Variants in MDGA2 observed in about 807,000 individuals in gnomAD.
MDGA2 encodes the protein MAM domain containing glycosylphosphatidylinositol anchor 2.
In MDGA2, 40 loss-of-function variants were observed where a neutral mutation model predicts 117.8. The ratio of observed to expected loss-of-function variants is 0.34; its 90% CI spans 0.26 to 0.44. The LOEUF is 0.44. MDGA2 is among the 20% of genes least tolerant of loss of function. The pLI, the probability that MDGA2 is intolerant of heterozygous loss-of-function variation, is 1.00. For missense variants in MDGA2, 1,123 were observed against 1,250.6 expected, an observed-to-expected ratio of 0.90 and a Z score of 1.54; for synonymous variants, 452 against 439.0, an observed-to-expected ratio of 1.03 and a Z score of -0.37.
chr14:46,886,763 G>T (rs756208992), intron 10 of MDGA2, among the ~76,000 whole-genome samples: 30 of 152,024 alleles, frequency 2.0e-4, no homozygotes, highest in Non-Finnish European at 4.0e-4. Flanking sequence ...TGAATTCTAT[G>T]ACAGTGCTCT....
chr14:47,624,332 T>A (rs1280188973), intron 1 of MDGA2, among the ~76,000 whole-genome samples: 2 of 152,014 alleles, frequency 1.3e-5, no homozygotes, highest in African/African-American at 4.8e-5. Flanking sequence ...GTGGCGGCCA[T>A]CTGTAATCCC....
intron 1 of MDGA2, among the ~76,000 whole-genome samples, chr14:47,524,458 C>T (rs747100807): frequency 4.6e-5 from 7 of 152,122 alleles, no homozygotes; most frequent in Non-Finnish European, 1.0e-4. Context: ...AACATTGAGG[C>T]TCCAAGTATG....
At chr14:47,115,588 A>C (rs1243953367) in intron 5 of MDGA2, among the ~76,000 whole-genome samples, 3 of 152,082 alleles carry the variant, frequency 2.0e-5, no homozygotes, top group African/African-American at 7.2e-5. Flanking sequence ...AGAAAGAAAA[A>C]GATTCAGAGC....
chr14:47,619,252 CTAA>C (rs1051568965), intron 1 of MDGA2, among the ~76,000 whole-genome samples: 2 of 151,894 alleles, frequency 1.3e-5, no homozygotes, highest in Non-Finnish European at 2.9e-5. Context: ...TAAATAGTAA[CTAA>C]TAATTTTACT....
chr14:47,673,632 A>ATGTGTG (rs10528657), intron 1 of MDGA2, among the ~76,000 whole-genome samples: 3,839 of 144,010 alleles, frequency 0.027, 151 homozygotes, highest in East Asian at 0.2. Flanking sequence ...TATGACCTGG[A>ATGTGTG]TGTGTGTGTG....
At chr14:46,985,492 G>C (rs1594495451) in intron 8 of MDGA2, among the ~76,000 whole-genome samples, 1 of 151,978 alleles carries the variant, frequency 6.6e-6, no homozygotes, top group African/African-American at 2.4e-5. Flanking sequence ...TTTTGGAGAA[G>C]AGTAAATTTT....
At chr14:47,292,271 C>T (rs919411466) in intron 2 of MDGA2, among the ~76,000 whole-genome samples, 3 of 152,142 alleles carry the variant, frequency 2.0e-5, no homozygotes, top group African/African-American at 7.2e-5. Flanking sequence ...TTTCATACAT[C>T]GGTTTGGGAA....
intron 1 of MDGA2, among the ~76,000 whole-genome samples, chr14:47,620,540 T>C (rs903794073): frequency 1.3e-5 from 2 of 152,256 alleles, no homozygotes; most frequent in African/African-American, 4.8e-5. Flanking sequence ...CAAATACTGA[T>C]GAGAGGGCAG....
chr14:47,059,347 G>C (rs1330035891), intron 7 of MDGA2: 1 of 1,270,428 alleles, frequency 7.9e-7, no homozygotes, highest in East Asian at 5.6e-5. Flanking sequence ...TTTGGAAGAA[G>C]TCAATATATT....
At chr14:47,111,017 T>C (rs1017807557) in intron 5 of MDGA2, among the ~76,000 whole-genome samples, 3 of 152,300 alleles carry the variant, frequency 2.0e-5, no homozygotes, top group African/African-American at 7.2e-5. Flanking sequence ...GCATTGGAGA[T>C]GTTAGAAAAA....
chr14:46,857,969 A>G (rs962757773), intron 14 of MDGA2, among the ~76,000 whole-genome samples: 1 of 151,980 alleles, frequency 6.6e-6, no homozygotes, highest in Non-Finnish European at 1.5e-5. Context: ...ATTTCTAACA[A>G]TATTTTCTGC....
chr14:47,319,470 A>G (rs893248131), intron 1 of MDGA2, among the ~76,000 whole-genome samples: 3 of 152,194 alleles, frequency 2.0e-5, no homozygotes, highest in Non-Finnish European at 4.4e-5. Flanking sequence ...CTTGTAAACT[A>G]AATGATTAAA....
intron 1 of MDGA2, among the ~76,000 whole-genome samples, chr14:47,519,049 C>A (rs2138708966): frequency 6.6e-6 from 1 of 151,912 alleles, no homozygotes. Context: ...ACTAAAAATA[C>A]AAAAATTGGC....
At chr14:47,313,299 G>C (rs985007969) in intron 1 of MDGA2, among the ~76,000 whole-genome samples, 1 of 152,082 alleles carries the variant, frequency 6.6e-6, no homozygotes, top group Admixed American at 6.5e-5. Flanking sequence ...ATAAGGTAAG[G>C]TCTGGCTCTG....
At chr14:47,486,216 G>A (rs1432443163) in intron 1 of MDGA2, among the ~76,000 whole-genome samples, 2 of 152,174 alleles carry the variant, frequency 1.3e-5, no homozygotes, top group African/African-American at 4.8e-5. Flanking sequence ...AGCATGACCT[G>A]GATGTGAGAC....
rs34818512 is a variant in MDGA2 at position 47,136,197 on chromosome 14, C to CTT, written c.793-4353_793-4352dup. 4.4e-3 allele frequency among the ~76,000 whole-genome samples: 574 copies of CTT among 131,008 alleles called. 8 individuals carry two copies. The highest frequency in any genetic ancestry group is 0.014 in the African/African-American group (500 of 35,120). 85.9% of individuals were successfully genotyped at this position (131,008 alleles called of 152,430 possible). ...ATTATTTCAAGAAAGTGTTTTCTCT[C>CTT]TTTTTTTTTTTTTTTTTTTGAGACA... On this transcript the variant is annotated intron_variant, in intron 4 of 16. Transcript: ENST00000399232.
chr14:47,167,506 T>C (rs889845526), intron 3 of MDGA2, among the ~76,000 whole-genome samples: 13 of 151,786 alleles, frequency 8.6e-5, no homozygotes, highest in African/African-American at 2.9e-4. Context: ...AAGAAAAAAA[T>C]CAGTAGCAGT....
intron 1 of MDGA2, among the ~76,000 whole-genome samples, chr14:47,582,000 T>C (rs1164419133): frequency 2.6e-5 from 4 of 151,944 alleles, no homozygotes; most frequent in Non-Finnish European, 5.9e-5. Flanking sequence ...TCTGCAAGCT[T>C]ATTCAATTGT....
chr14:47,345,115 A>T (rs1890736383), intron 1 of MDGA2, among the ~76,000 whole-genome samples: 1 of 152,142 alleles, frequency 6.6e-6, no homozygotes, highest in South Asian at 2.1e-4. Flanking sequence ...AGAAGAGTTC[A>T]AAACCAATAA....
Sources: gnomAD v4.1 joint callset for allele counts (sites outside exome capture counted in the v4.1 genomes callset) on GRCh38, gnomAD v4.1.1 for gene constraint, MANE v1.5 for transcripts, NCBI Gene and HGNC (gene_info 2026-07-23, HGNC 2026-07-21) for gene names.